MEI4: variants seen among roughly 807,000 people sequenced by gnomAD.
MEI4 encodes meiosis-specific protein MEI4.
Under a neutral mutation model 31.4 loss-of-function variants are expected in MEI4, and 27 were observed. The ratio of observed to expected loss-of-function variants is 0.86; its 90% CI spans 0.63 to 1.19. The LOEUF (loss-of-function observed/expected upper bound fraction) is 1.19. Ranked by LOEUF, MEI4 falls within the 50% of genes most tolerant of loss-of-function variation. The pLI, the probability that MEI4 is intolerant of heterozygous loss-of-function variation, is 0.00. For missense variants in MEI4, 329 were observed against 398.9 expected (o/e 0.82, Z 1.49); for synonymous variants, 122 against 145.4 (o/e 0.84, Z 1.16).
At position 77,712,360 on chromosome 6, in the gene MEI4, T is replaced by C. The variant is rs528721014; in HGVS notation, c.232+21457T>C. ...ATGGGGATATTATCTTTTAGGTAGT[T>C]CTGTGGTACATGCTTTTTTTCCCCA... is the stretch of plus-strand genomic sequence containing the variant. On this transcript the variant is annotated intron_variant, in intron 2 of 4. Coordinates refer to ENST00000684080, the MANE Select transcript of MEI4 (RefSeq NM_001322247.2). 2.0e-5 allele frequency among the ~76,000 whole-genome samples: 3 copies of C among 152,316 alleles called. No individual in the cohort carries two copies. In the East Asian group the frequency reaches 5.8e-4, roughly 29 times the overall value.
intron 3 of MEI4, among the ~76,000 whole-genome samples, chr6:77,762,979 G>C (rs1768078718): frequency 1.3e-5 from 2 of 151,862 alleles, no homozygotes; most frequent in Non-Finnish European, 1.5e-5. Context: ...ACTACTTTAA[G>C]CAGTCTTTAT....
chr6:77,833,511 T>C (rs1221660542), intron 4 of MEI4, among the ~76,000 whole-genome samples: 1 of 152,220 alleles, frequency 6.6e-6, no homozygotes, highest in Non-Finnish European at 1.5e-5. Context: ...CTCATCAATA[T>C]ATGTTATCTC....
At chr6:77,837,353 A>G (rs1331456881) in intron 4 of MEI4, among the ~76,000 whole-genome samples, 1 of 152,152 alleles carries the variant, frequency 6.6e-6, no homozygotes, top group Non-Finnish European at 1.5e-5. Context: ...AACAAATAGA[A>G]CACGTTAAAT....
intron 2 of MEI4, among the ~76,000 whole-genome samples, chr6:77,752,833 C>A (rs987263257): frequency 3.3e-5 from 5 of 151,906 alleles, no homozygotes; most frequent in Non-Finnish European, 5.9e-5. Flanking sequence ...AAGCTGGAGG[C>A]GTCACACTAC....
chr6:77,916,656 A>G (rs566523904), intron 4 of MEI4, among the ~76,000 whole-genome samples: 2 of 152,180 alleles, frequency 1.3e-5, no homozygotes, highest in African/African-American at 4.8e-5. Flanking sequence ...AAGATCCCAT[A>G]TCAAGAACCC....
intron 4 of MEI4, among the ~76,000 whole-genome samples, chr6:77,850,949 G>A (rs4267916): frequency 0.14 from 21,268 of 151,252 alleles, 1,797 homozygotes; most frequent in East Asian, 0.4. Flanking sequence ...AGAAAAAAAC[G>A]AACAACCCCA....
intron 3 of MEI4, among the ~76,000 whole-genome samples, chr6:77,794,056 A>G (rs942806113): frequency 6.6e-6 from 1 of 152,208 alleles, no homozygotes; most frequent in Admixed American, 6.5e-5. Flanking sequence ...CCTACAAGGA[A>G]CTCACTTCAG....
intron 2 of MEI4, among the ~76,000 whole-genome samples, chr6:77,749,824 C>A (rs1199605198): frequency 2.0e-5 from 3 of 152,118 alleles, no homozygotes; most frequent in African/African-American, 7.2e-5. Context: ...TGATCAGATT[C>A]ACCAAGGTTG....
At chr6:77,804,080 C>T (rs1165796282) in intron 3 of MEI4, among the ~76,000 whole-genome samples, 1 of 152,194 alleles carries the variant, frequency 6.6e-6, no homozygotes, top group Non-Finnish European at 1.5e-5. Flanking sequence ...GTGAAGTCTA[C>T]AGAGGCAGGC....
intron 4 of MEI4, among the ~76,000 whole-genome samples, chr6:77,850,181 G>A (rs1417075439): frequency 1.3e-5 from 2 of 151,976 alleles, no homozygotes; most frequent in Admixed American, 1.3e-4. Context: ...TCCCTTGTAA[G>A]TTGAATATCG....
intron 1 of MEI4, among the ~76,000 whole-genome samples, chr6:77,672,463 A>C (rs1336966659): frequency 1.3e-5 from 2 of 152,266 alleles, no homozygotes; most frequent in African/African-American, 4.8e-5. Flanking sequence ...TCATTGCTAA[A>C]TAACAAAGCA....
chr6:77,804,518 G>T (rs1339051262), intron 3 of MEI4, among the ~76,000 whole-genome samples: 1 of 152,176 alleles, frequency 6.6e-6, no homozygotes, highest in African/African-American at 2.4e-5. Context: ...AGTTGGAAAT[G>T]CAGAAATCAC....
chr6:77,850,888 C>A lies in MEI4; in HGVS notation c.900+21826C>A, dbSNP rs374693528. 6.6e-5 allele frequency among the ~76,000 whole-genome samples: 10 copies of A among 152,096 alleles called. No individual in the cohort carries two copies. In the East Asian group the frequency reaches 1.2e-3, roughly 18 times the overall value. On this transcript the variant is annotated intron_variant, in intron 4 of 4. Coordinates refer to ENST00000684080, the MANE Select transcript of MEI4 (RefSeq NM_001322247.2). ...GAGAAAATTTCTGCAGTCTACTCATCCGACAAAGGGCTAATATCCAGAATC... is the reference window on the plus strand; with the variant it reads ...GAGAAAATTTCTGCAGTCTACTCATACGACAAAGGGCTAATATCCAGAATC...
chr6:77,778,073 A>G (rs1387937060), intron 3 of MEI4, among the ~76,000 whole-genome samples: 1 of 142,994 alleles, frequency 7.0e-6, no homozygotes, highest in Non-Finnish European at 1.5e-5. Flanking sequence ...ACATTGAGTA[A>G]TGATATAGCA....
chr6:77,803,113 C>G (rs1582163689), intron 3 of MEI4, among the ~76,000 whole-genome samples: 1 of 152,302 alleles, frequency 6.6e-6, no homozygotes, highest in East Asian at 1.9e-4. Context: ...GTACACCAAT[C>G]AGTTGTAGAT....
At position 77,853,839 on chromosome 6, in the gene MEI4, T is replaced by C. The variant is rs117262828; in HGVS notation, c.900+24777T>C. ...ATAACGTTAGAGATCTGTTTTTGAT[T>C]ATTCATTCTTCAAAGACTTTACAAC... On this transcript the variant is annotated intron_variant, in intron 4 of 4. Coordinates refer to ENST00000684080, the MANE Select transcript of MEI4 (RefSeq NM_001322247.2). 5.9e-5 allele frequency among the ~76,000 whole-genome samples: 9 copies of C among 152,326 alleles called. No homozygotes were observed. The East Asian group carries it at 1.7e-3, about 29-fold the overall frequency.
At chr6:77,840,791 T>G (rs1055634599) in intron 4 of MEI4, among the ~76,000 whole-genome samples, 1 of 152,184 alleles carries the variant, frequency 6.6e-6, no homozygotes, top group Non-Finnish European at 1.5e-5. Context: ...TGGCATATTA[T>G]ATTCAGGGGA....
chr6:77,795,217 G>C (rs1054520288), intron 3 of MEI4, among the ~76,000 whole-genome samples: 1 of 152,048 alleles, frequency 6.6e-6, no homozygotes, highest in African/African-American at 2.4e-5. Flanking sequence ...ATAATGATTA[G>C]CACAGAAATA....
At position 77,852,202 on chromosome 6, in the gene MEI4, G is replaced by A. The variant is rs146870992; in HGVS notation, c.900+23140G>A. On this transcript the variant is annotated intron_variant, in intron 4 of 4. Coordinates refer to ENST00000684080, the MANE Select transcript of MEI4 (RefSeq NM_001322247.2). ...AGAAAACCTTAGAGGGTCATGGGACGTGGCAAATGGTTAAAAACGAACAAA... is the reference window on the plus strand; with the variant it reads ...AGAAAACCTTAGAGGGTCATGGGACATGGCAAATGGTTAAAAACGAACAAA... Among the ~76,000 whole-genome samples the A allele has an allele frequency of 8.7e-3, 1,323 of 152,214 alleles. 21 individuals are homozygous for A. Among genetic ancestry groups the A allele is most frequent in the African/African-American group, 0.029 (1,218 of 41,528 alleles).
Sources: allele counts gnomAD v4.1 joint callset (sites outside exome capture counted in the v4.1 genomes callset), GRCh38; gene constraint gnomAD v4.1.1; transcripts MANE v1.5; gene names NCBI Gene and HGNC (gene_info 2026-07-23, HGNC 2026-07-21).